WNK2: variants seen among roughly 807,000 people sequenced by gnomAD.
WNK2 encodes the protein serine/threonine-protein kinase WNK2.
In WNK2, 67 loss-of-function variants were observed where a neutral mutation model predicts 192.1. The ratio of observed to expected loss-of-function variants is 0.35; its 90% CI spans 0.29 to 0.43. The LOEUF is 0.43. Ranked by LOEUF, WNK2 falls within the 20% of genes least tolerant of loss-of-function variation. WNK2 has a pLI of 1.00. For missense variants in WNK2, 2,698 were observed against 3,089.7 expected (o/e 0.87, Z 3.01); for synonymous variants, 1,439 against 1,393.9 (o/e 1.03, Z -0.72).
chr9:93,218,716 G>C (rs1220336838), intron 2 of WNK2, among the ~76,000 whole-genome samples: 1 of 152,232 alleles, frequency 6.6e-6, no homozygotes, highest in African/African-American at 2.4e-5. Flanking sequence ...TGGCCCTGCA[G>C]TGTCTGCTGC....
At chr9:93,216,028 AT>A (rs1277016255) in intron 2 of WNK2, among the ~76,000 whole-genome samples, 1 of 152,156 alleles carries the variant, frequency 6.6e-6, no homozygotes, top group African/African-American at 2.4e-5. Flanking sequence ...AATTGAACTG[AT>A]TCAAAGCTGT....
intron 19 of WNK2, among the ~76,000 whole-genome samples, chr9:93,280,932 GGATGATTTTCA>G (rs759516144): frequency 1.3e-5 from 2 of 152,206 alleles, no homozygotes; most frequent in African/African-American, 2.4e-5. Context: ...ATTGCAGCAT[GGATGATTTTCA>G]GAATAATTAT....
rs34529839 is a variant in WNK2, at chr9:93,227,117, C to CTT, written c.682-2564_682-2563dup. Among the ~76,000 whole-genome samples the CTT allele has an allele frequency of 4.2e-4, 58 of 137,602 alleles. 2 individuals are homozygous for CTT. Among genetic ancestry groups the CTT allele is most frequent in the South Asian group, 3.9e-3 (16 of 4,114 alleles). 90.3% of individuals were successfully genotyped at this position (137,602 alleles called of 152,430 possible). A position where few individuals can be genotyped will look rare whatever the true frequency, so the allele number is the denominator to read the frequency against. ...CCTCCCAGCAGCTGGAAGTATCCAC[C>CTT]TTTTTTTTTTTTTTTTGAGACAGAG... On this transcript the variant is annotated intron_variant, in intron 2 of 29. Coordinates refer to ENST00000427277, the MANE Select transcript of WNK2 (RefSeq NM_006648.4).
intron 29 of WNK2, chr9:93,317,834 G>C: frequency 6.6e-7 from 1 of 1,506,700 alleles, no homozygotes; most frequent in Non-Finnish European, 8.9e-7. Context: ...CTGGCCCCCG[G>C]CTGCGGATCA....
At position 93,297,915 on chromosome 9, in the gene WNK2, G is replaced by A. The variant is rs1208521554; in HGVS notation, c.5771G>A (p.Arg1924His). 6.9e-6 allele frequency: 11 copies of A among 1,588,898 alleles called. No homozygotes were observed. The highest frequency in any genetic ancestry group is 1.1e-5 in the South Asian group (1 of 87,302). The change falls in exon 24 of 30, where the codon CGC becomes CAC. Residue 1924 changes from arginine (R) to histidine (H), a missense_variant. This residue lies in a region of WNK2 where 1,098 missense variants were observed against 1,101.0 expected (regional missense o/e 1.00). Coordinates refer to ENST00000427277, the MANE Select transcript of WNK2 (RefSeq NM_006648.4). ...AAGCAGGAGATCGAAGCTCTGTACC[G>A]CCGCCTGGGCAAGCCACTGCCCCCC... The part of the protein sequence containing the change: ...QQKQEIEALY[R>H]RLGKPLPPNV...
At chr9:93,188,915 C>G (rs1032812839) in intron 2 of WNK2, among the ~76,000 whole-genome samples, 1 of 152,218 alleles carries the variant, frequency 6.6e-6, no homozygotes, top group Non-Finnish European at 1.5e-5. Flanking sequence ...TGGGTCAGCA[C>G]AATCTTGTTC....
chr9:93,206,714 G>A (rs1833457927), intron 2 of WNK2, among the ~76,000 whole-genome samples: 1 of 152,214 alleles, frequency 6.6e-6, no homozygotes, highest in African/African-American at 2.4e-5. Flanking sequence ...TCAGGGCCCC[G>A]AGTTTGGGGG....
intron 2 of WNK2, among the ~76,000 whole-genome samples, chr9:93,206,341 C>T (rs899722269): frequency 6.6e-6 from 1 of 152,040 alleles, no homozygotes; most frequent in African/African-American, 2.4e-5. Flanking sequence ...GGCACGTGGA[C>T]CTAGGGTGCT....
At chr9:93,228,626 G>A (rs996074216) in intron 2 of WNK2, among the ~76,000 whole-genome samples, 2 of 152,234 alleles carry the variant, frequency 1.3e-5, no homozygotes, top group African/African-American at 2.4e-5. Flanking sequence ...CTCAGGTGGA[G>A]GTGAGAAGGG....
In WNK2 at chr9:93,259,763, C is replaced by A; in HGVS notation, c.3066+149C>A. On this transcript the variant is annotated intron_variant, in intron 12 of 29. Coordinates refer to ENST00000427277, the MANE Select transcript of WNK2 (RefSeq NM_006648.4). This position sits in a 1 kb window ranked among gnomAD's most constrained non-coding sequence, Gnocchi z 4.8. ...GAGATGTGTGTGAGGCTGAGGGAGG[C>A]GGGGGCTGGCGCCAGCGCGAGGCAT... The A allele has an allele frequency of 1.3e-6, 1 of 742,880 alleles. No individual in the cohort carries two copies. The highest frequency in any genetic ancestry group is 2.1e-6 in the Non-Finnish European group (1 of 473,374). The allele number at this position is 742,880 out of a possible 1,614,324, so 46.0% of individuals were successfully genotyped here. A position where few individuals can be genotyped will look rare whatever the true frequency, so the allele number is the denominator to read the frequency against.
intron 21 of WNK2, among the ~76,000 whole-genome samples, chr9:93,291,225 G>A (rs1849295156): frequency 6.6e-6 from 1 of 152,202 alleles, no homozygotes; most frequent in Non-Finnish European, 1.5e-5. Flanking sequence ...TGGGCTGCCT[G>A]TGGCGCTCCA....
At chr9:93,269,151 T>C (rs1845668588) in intron 19 of WNK2, among the ~76,000 whole-genome samples, 1 of 152,002 alleles carries the variant, frequency 6.6e-6, no homozygotes, top group African/African-American at 2.4e-5. Context: ...GGAAAGTCCC[T>C]GTTGGTGCTG....
At chr9:93,284,431 T>C (rs1392515883) in intron 19 of WNK2, among the ~76,000 whole-genome samples, 1 of 152,196 alleles carries the variant, frequency 6.6e-6, no homozygotes, top group Non-Finnish European at 1.5e-5. Context: ...ATTCACTATA[T>C]CCCAATAGAT....
intron 28 of WNK2, among the ~76,000 whole-genome samples, chr9:93,314,113 G>C (rs1221742670): frequency 7.3e-6 from 1 of 137,222 alleles, no homozygotes; most frequent in South Asian, 2.3e-4. Flanking sequence ...TCTACTAAAA[G>C]TACAAAAAAA....
At chr9:93,297,482 G>A (rs1850800112) in intron 23 of WNK2, among the ~76,000 whole-genome samples, 1 of 152,252 alleles carries the variant, frequency 6.6e-6, no homozygotes, top group Admixed American at 6.5e-5. Flanking sequence ...GATAAATGGA[G>A]GCAGTCTCTA....
In WNK2 at chr9:93,229,293, C is replaced by T. The variant is rs1838337377; in HGVS notation, c.682-403C>T. 6.6e-6 allele frequency among the ~76,000 whole-genome samples: 1 copy of T among 152,178 alleles called. No individual in the cohort carries two copies. The highest frequency in any genetic ancestry group is 1.5e-5 in the Non-Finnish European group (1 of 68,036). On this transcript the variant is annotated intron_variant, in intron 2 of 29. Transcript: ENST00000427277. This position sits in a 1 kb window ranked among gnomAD's most constrained non-coding sequence, Gnocchi z 4.9. ...CTCCTCTGTTCTAATCCACTGGGCC[C>T]TGAGTACTTCTTCTGAGTTGTGTAT...
chr9:93,235,084 C>A, intron 5 of WNK2, 119 bp downstream of exon 5: 1 of 1,260,582 alleles, frequency 7.9e-7, no homozygotes, highest in Non-Finnish European at 1.1e-6. Flanking sequence ...GGAGCTTGGC[C>A]ATTTTGCAGA....
At chr9:93,311,125 C>G (rs748975483) in intron 28 of WNK2, among the ~76,000 whole-genome samples, 3 of 152,190 alleles carry the variant, frequency 2.0e-5, no homozygotes, top group Non-Finnish European at 2.9e-5. Context: ...GACTTTGACT[C>G]CTCTATGTAC....
intron 2 of WNK2, among the ~76,000 whole-genome samples, chr9:93,203,460 G>A (rs868393792): frequency 2.0e-5 from 3 of 152,168 alleles, no homozygotes; most frequent in Non-Finnish European, 2.9e-5. Flanking sequence ...CTGGGGAGCC[G>A]GGAGACCCTG....
Sources: allele counts gnomAD v4.1 joint callset (sites outside exome capture counted in the v4.1 genomes callset), GRCh38; gene constraint gnomAD v4.1.1; regional missense constraint gnomAD v4.1.1; non-coding constraint Gnocchi (gnomAD v3.1); transcripts MANE v1.5; gene names NCBI Gene and HGNC (gene_info 2026-07-23, HGNC 2026-07-21).